TMEM178B: variants seen among roughly 807,000 people sequenced by gnomAD.
TMEM178B encodes transmembrane protein 178B.
In TMEM178B, 5 loss-of-function variants were observed where a neutral mutation model predicts 31.0. That is an observed-to-expected ratio of 0.16 (90% CI 0.08 to 0.34). TMEM178B has a LOEUF of 0.34. Among genes scored for constraint, TMEM178B ranks in the 10% least tolerant of loss-of-function variants. The pLI is 1.00. For synonymous variants in TMEM178B, 164 were observed against 164.0 expected (o/e 1.00, Z 0.00); for missense variants, 275 against 400.3 (o/e 0.69, Z 2.67).
intron 2 of TMEM178B, among the ~76,000 whole-genome samples, chr7:141,425,039 T>C (rs1801288163): frequency 6.6e-6 from 1 of 152,168 alleles, no homozygotes; most frequent in Non-Finnish European, 1.5e-5. Context: ...TGTCTCAATT[T>C]CCAAACCTAC....
chr7:141,318,945 T>A lies in TMEM178B; in HGVS notation c.496+106241T>A, dbSNP rs1019337530. ...ATGAGATATTTCTGCCAAAAAAAAA[T>A]GAACAATTTTTACCAAGTTTCAAGT... On this transcript the variant is annotated intron_variant, in intron 2 of 3. Coordinates refer to ENST00000565468, the MANE Select transcript of TMEM178B (RefSeq NM_001195278.2). The surrounding 1 kb of genome is among the most constrained non-coding windows in gnomAD (Gnocchi z 4.1). 5.9e-5 allele frequency among the ~76,000 whole-genome samples: 9 copies of A among 151,886 alleles called. 1 individual carries two copies. Among genetic ancestry groups the A allele is most frequent in the Admixed American group, 5.9e-4 (9 of 15,254 alleles).
intron 2 of TMEM178B, among the ~76,000 whole-genome samples, chr7:141,247,031 G>T (rs554396421): frequency 3.9e-5 from 6 of 152,028 alleles, no homozygotes; most frequent in Non-Finnish European, 8.8e-5. Context: ...TCTCTGATTC[G>T]CGATAGGACT....
chr7:141,333,987 C>G (rs941149482), intron 2 of TMEM178B, among the ~76,000 whole-genome samples: 2 of 152,168 alleles, frequency 1.3e-5, no homozygotes, highest in African/African-American at 2.4e-5. Context: ...CTGTGGGGCC[C>G]GCTTCCTAAC....
intron 2 of TMEM178B, among the ~76,000 whole-genome samples, chr7:141,341,727 A>C (rs34385825): frequency 0.018 from 2,699 of 152,126 alleles, 50 homozygotes; most frequent in Non-Finnish European, 0.029. Flanking sequence ...AATGGGACTG[A>C]ATTTCAAATG....
chr7:141,194,021 A>G (rs1485431183), intron 1 of TMEM178B, among the ~76,000 whole-genome samples: 1 of 152,184 alleles, frequency 6.6e-6, no homozygotes, highest in African/African-American at 2.4e-5. Flanking sequence ...TCACTATCAC[A>G]AGAATAGCAT....
intron 3 of TMEM178B, among the ~76,000 whole-genome samples, chr7:141,463,629 G>A (rs966779359): frequency 2.0e-5 from 3 of 152,226 alleles, no homozygotes; most frequent in South Asian, 2.1e-4. Flanking sequence ...TGCTACTTCC[G>A]AAGAAGGCCA....
chr7:141,312,535 T>C (rs1298514887), intron 2 of TMEM178B, among the ~76,000 whole-genome samples: 1 of 152,228 alleles, frequency 6.6e-6, no homozygotes, highest in African/African-American at 2.4e-5. Context: ...GATATTTCAA[T>C]GGCCCTGAGA....
At chr7:141,104,469 A>G (rs1477178496) in intron 1 of TMEM178B, among the ~76,000 whole-genome samples, 4 of 152,202 alleles carry the variant, frequency 2.6e-5, no homozygotes, top group Non-Finnish European at 5.9e-5. Flanking sequence ...GCAATTTGGC[A>G]TTCAGAGTTT....
Position 141,480,308 on chromosome 7 carries a change from AAAT to A in TMEM178B, c.*9526_*9528del, listed in dbSNP as rs1461040746. ...TAAATGACTTGTTCATGGAAAAAAT[AAAT>A]AATCTGTCAGTTGTGGAATGTAAAC... On this transcript the variant is annotated 3_prime_UTR_variant, in exon 4 of 4. Coordinates refer to ENST00000565468, the MANE Select transcript of TMEM178B (RefSeq NM_001195278.2). 1.1e-4 allele frequency: 16 copies of A among 152,238 alleles called. No individual in the cohort carries two copies. Among genetic ancestry groups the A allele is most frequent in the African/African-American group, 3.9e-4 (16 of 41,456 alleles). The allele number at this position is 152,238 out of a possible 1,614,324, so 9.4% of individuals were successfully genotyped here.
chr7:141,439,584 A>G (rs1468454388), intron 3 of TMEM178B, among the ~76,000 whole-genome samples: 2 of 152,202 alleles, frequency 1.3e-5, no homozygotes, highest in East Asian at 3.8e-4. Flanking sequence ...CCCCCAAAAT[A>G]TAAAAAGATA....
At chr7:141,293,011 G>A (rs945160685) in intron 2 of TMEM178B, among the ~76,000 whole-genome samples, 3 of 152,014 alleles carry the variant, frequency 2.0e-5, no homozygotes. Flanking sequence ...AGATTGCCAG[G>A]GTCATGGCAA....
At chr7:141,467,282 G>A (rs1802161621) in intron 3 of TMEM178B, among the ~76,000 whole-genome samples, 1 of 152,078 alleles carries the variant, frequency 6.6e-6, no homozygotes, top group African/African-American at 2.4e-5. Flanking sequence ...ATGATGTTCT[G>A]TAACTCCCAC....
chr7:141,156,806 G>A (rs1158424961), intron 1 of TMEM178B, among the ~76,000 whole-genome samples: 1 of 152,202 alleles, frequency 6.6e-6, no homozygotes, highest in Non-Finnish European at 1.5e-5. Flanking sequence ...AAAAGCTGTG[G>A]ATTAGAAATC....
At chr7:141,083,785 A>G (rs540711954) in intron 1 of TMEM178B, among the ~76,000 whole-genome samples, 4 of 151,434 alleles carry the variant, frequency 2.6e-5, no homozygotes, top group South Asian at 2.1e-4. Context: ...TACCCCAAGG[A>G]AAAAAAAATA....
intron 2 of TMEM178B, among the ~76,000 whole-genome samples, chr7:141,332,616 A>G (rs902120975): frequency 2.6e-5 from 4 of 152,226 alleles, no homozygotes; most frequent in African/African-American, 9.6e-5. Flanking sequence ...TTGTTTTCAC[A>G]TTATACAAAA....
intron 2 of TMEM178B, among the ~76,000 whole-genome samples, chr7:141,429,192 G>C (rs927780391): frequency 6.6e-6 from 1 of 152,146 alleles, no homozygotes; most frequent in Non-Finnish European, 1.5e-5. Context: ...ATTGAAATCA[G>C]TATGTTAACG....
At chr7:141,280,068 A>G (rs1321967978) in intron 2 of TMEM178B, among the ~76,000 whole-genome samples, 1 of 152,240 alleles carries the variant, frequency 6.6e-6, no homozygotes. Flanking sequence ...CATCCTCTAG[A>G]AAAAGGAAAT....
At chr7:141,363,671 A>G (rs1799954894) in intron 2 of TMEM178B, among the ~76,000 whole-genome samples, 1 of 152,186 alleles carries the variant, frequency 6.6e-6, no homozygotes, top group Admixed American at 6.5e-5. Flanking sequence ...TGGAAAACAG[A>G]GAGTTCTGTG....
In TMEM178B at chr7:141,474,571, A is replaced by G. The variant is rs541221035; in HGVS notation, c.*3785A>G. On this transcript the variant is annotated 3_prime_UTR_variant, in exon 4 of 4. Coordinates refer to ENST00000565468, the MANE Select transcript of TMEM178B (RefSeq NM_001195278.2). ...GTCACAGAGACTGGACAACTCCTCCAAATCTAGACAAAGACTTTCTTAAGC... is the reference window on the plus strand; with the variant it reads ...GTCACAGAGACTGGACAACTCCTCCGAATCTAGACAAAGACTTTCTTAAGC... 1 of 152,378 alleles carries G rather than the reference A, an allele frequency of 6.6e-6. No individual in the cohort carries two copies. The highest frequency in any genetic ancestry group is 2.4e-5 in the African/African-American group (1 of 41,580). The allele number at this position is 152,378 out of a possible 1,614,324, so 9.4% of individuals were successfully genotyped here.
Sources: gnomAD v4.1 joint callset for allele counts (sites outside exome capture counted in the v4.1 genomes callset) on GRCh38, gnomAD v4.1.1 for gene constraint, Gnocchi (gnomAD v3.1) non-coding constraint, MANE v1.5 for transcripts, NCBI Gene and HGNC (gene_info 2026-07-23, HGNC 2026-07-21) for gene names.